The following NKAIN2 variants were observed in gnomAD, a reference collection of about 807,000 sequenced individuals.
The protein encoded by NKAIN2 is sodium/potassium transporting ATPase interacting 2.
In NKAIN2, 14 loss-of-function variants were observed where a neutral mutation model predicts 32.6. The observed-to-expected ratio is 0.43, with a 90% CI of 0.28 to 0.67. NKAIN2 has a LOEUF of 0.67. Among genes scored for constraint, NKAIN2 ranks in the 30% least tolerant of loss-of-function variants. The pLI is 0.17. For missense variants in NKAIN2, 198 were observed against 258.3 expected (o/e 0.77, Z 1.60); for synonymous variants, 80 against 87.2 (o/e 0.92, Z 0.46).
intron 2 of NKAIN2, among the ~76,000 whole-genome samples, chr6:124,286,904 G>A (rs1241886171): frequency 6.6e-6 from 1 of 151,972 alleles, no homozygotes; most frequent in African/African-American, 2.4e-5. Context: ...GGCTGGTCTC[G>A]AACTCCTGAC....
intron 1 of NKAIN2, among the ~76,000 whole-genome samples, chr6:124,004,887 CAAAA>C (rs1463548604): frequency 7.8e-6 from 1 of 128,098 alleles, no homozygotes; most frequent in African/African-American, 3.2e-5. Context: ...ATAATAACAA[CAAAA>C]AAAGAAAGTA....
At chr6:124,677,555 A>G (rs982220219) in intron 4 of NKAIN2, among the ~76,000 whole-genome samples, 7 of 152,284 alleles carry the variant, frequency 4.6e-5, no homozygotes, top group African/African-American at 1.4e-4. Flanking sequence ...ATATAGGTAA[A>G]ACAATCTATT....
At chr6:124,446,550 C>T (rs2114610049) in intron 3 of NKAIN2, among the ~76,000 whole-genome samples, 1 of 152,172 alleles carries the variant, frequency 6.6e-6, no homozygotes, top group South Asian at 2.1e-4. Context: ...GCCACATTGC[C>T]CAGGCTGGTC....
chr6:124,022,063 G>A (rs9491044), intron 1 of NKAIN2, among the ~76,000 whole-genome samples: 27,948 of 117,510 alleles, frequency 0.24, 3,182 homozygotes, highest in African/African-American at 0.36. Context: ...CCCCATGACA[G>A]GCCCCAGTTA....
intron 3 of NKAIN2, among the ~76,000 whole-genome samples, chr6:124,447,075 C>A (rs536255506): frequency 3.6e-4 from 55 of 152,210 alleles, no homozygotes; most frequent in Admixed American, 1.4e-3. Context: ...TCTTATTCAG[C>A]TTCTTCTACA....
intron 3 of NKAIN2, among the ~76,000 whole-genome samples, chr6:124,615,895 G>T (rs1009829051): frequency 3.3e-5 from 5 of 151,754 alleles, no homozygotes; most frequent in South Asian, 2.1e-4. Context: ...AATTTTTTTT[G>T]GATATTACGG....
intron 3 of NKAIN2, among the ~76,000 whole-genome samples, chr6:124,528,580 T>C (rs1033905518): frequency 6.6e-6 from 1 of 152,206 alleles, no homozygotes; most frequent in South Asian, 2.1e-4. Context: ...TAGAGAAATA[T>C]GATCAAGTCC....
At chr6:124,359,711 T>A (rs929211150) in intron 3 of NKAIN2, among the ~76,000 whole-genome samples, 1 of 152,188 alleles carries the variant, frequency 6.6e-6, no homozygotes, top group African/African-American at 2.4e-5. Flanking sequence ...AATGATGTCA[T>A]CTGCGAACAG....
chr6:124,515,701 T>G, intron 3 of NKAIN2, among the ~76,000 whole-genome samples: 3 of 3,354 alleles, frequency 8.9e-4, no homozygotes, highest in Non-Finnish European at 0.025. Flanking sequence ...ACTTCATTTT[T>G]CTTCGCTTTC....
intron 5 of NKAIN2, among the ~76,000 whole-genome samples, chr6:124,810,401 C>T (rs1780836172): frequency 6.6e-6 from 1 of 151,918 alleles, no homozygotes; most frequent in South Asian, 2.1e-4. Context: ...CCAAACACCG[C>T]ATATTCTCAT....
chr6:124,174,523 C>G (rs1582791960), intron 1 of NKAIN2, among the ~76,000 whole-genome samples: 1 of 152,102 alleles, frequency 6.6e-6, no homozygotes, highest in Non-Finnish European at 1.5e-5. Context: ...TAAATAGATA[C>G]AGGGGTAGTA....
chr6:124,113,149 G>C (rs895548173), intron 1 of NKAIN2, among the ~76,000 whole-genome samples: 1 of 151,940 alleles, frequency 6.6e-6, no homozygotes, highest in African/African-American at 2.4e-5. Context: ...TTACTGACTT[G>C]ACTTGTACAG....
intron 1 of NKAIN2, among the ~76,000 whole-genome samples, chr6:123,949,943 G>C (rs1777247119): frequency 6.6e-6 from 1 of 151,970 alleles, no homozygotes; most frequent in African/African-American, 2.4e-5. Flanking sequence ...GTCATATGTA[G>C]TCTTCACTAA....
chr6:124,216,710 C>G (rs1317564685), intron 1 of NKAIN2, among the ~76,000 whole-genome samples: 1 of 152,066 alleles, frequency 6.6e-6, no homozygotes, highest in Non-Finnish European at 1.5e-5. Context: ...TGTTATTGCA[C>G]CGGTTGGCCA....
intron 1 of NKAIN2, among the ~76,000 whole-genome samples, chr6:123,979,926 T>C (rs1381496398): frequency 6.6e-6 from 1 of 152,152 alleles, no homozygotes; most frequent in Non-Finnish European, 1.5e-5. Flanking sequence ...AATTATCTCC[T>C]GCAAATATCT....
intron 1 of NKAIN2, among the ~76,000 whole-genome samples, chr6:124,161,233 T>C (rs2114448854): frequency 6.6e-6 from 1 of 152,182 alleles, no homozygotes; most frequent in African/African-American, 2.4e-5. Context: ...GAAACAGGCA[T>C]GTCTTACATG....
intron 1 of NKAIN2, among the ~76,000 whole-genome samples, chr6:124,039,856 C>G (rs1781785699): frequency 6.6e-6 from 1 of 151,706 alleles, no homozygotes; most frequent in African/African-American, 2.4e-5. Flanking sequence ...CTATTGGTTC[C>G]AAAATAACTG....
intron 4 of NKAIN2, among the ~76,000 whole-genome samples, chr6:124,667,455 T>A (rs188106685): frequency 6.6e-6 from 1 of 152,232 alleles, no homozygotes; most frequent in East Asian, 1.9e-4. Context: ...ATTTCAGAAA[T>A]AAGTAAAGTA....
chr6:124,614,988 C>T (rs760709397), intron 3 of NKAIN2, among the ~76,000 whole-genome samples: 14 of 152,308 alleles, frequency 9.2e-5, no homozygotes, highest in Non-Finnish European at 1.9e-4. Flanking sequence ...TGAACAGTGT[C>T]TTCGGTCCAT....
Sources: allele counts gnomAD v4.1 joint callset (sites outside exome capture counted in the v4.1 genomes callset), GRCh38; gene constraint gnomAD v4.1.1; transcripts MANE v1.5; gene names NCBI Gene and HGNC (gene_info 2026-07-23, HGNC 2026-07-21).